Variants in NLRP5 observed in about 807,000 individuals in gnomAD.
The protein encoded by NLRP5 is NACHT, LRR and PYD domains-containing protein 5.
NLRP5 carries 93 observed loss-of-function variants against 113.1 expected under a neutral mutation model. The observed-to-expected ratio is 0.82, with a 90% CI of 0.70 to 0.98. The LOEUF is 0.98. Ranked by LOEUF, NLRP5 falls within the 50% of genes least tolerant of loss-of-function variation. The probability of loss-of-function intolerance (pLI) is 0.00; values close to 1 mark genes in which losing one functional copy is unlikely to be tolerated. For synonymous variants in NLRP5, 751 were observed against 600.7 expected (o/e 1.25, Z -3.66); for missense variants, 1,808 against 1,514.3 (o/e 1.19, Z -3.22).
At chr19:56,058,709 G>A (rs1391247658) in intron 14 of NLRP5, among the ~76,000 whole-genome samples, 2 of 152,140 alleles carry the variant, frequency 1.3e-5, no homozygotes, top group Admixed American at 1.3e-4. Context: ...ATATGATCCA[G>A]CAATCTTACT....
Position 56,027,242 on chromosome 19 carries a change from T to C in NLRP5, c.1009T>C (p.Ser337Pro). 6.2e-7 allele frequency: 1 copy of C among 1,612,748 alleles called. No individual in the cohort carries two copies. The highest frequency in any genetic ancestry group is 8.5e-7 in the Non-Finnish European group (1 of 1,179,760). The stretch of plus-strand genomic sequence containing the variant: ...GGAGAGCAGTGTCACAGAGTTCATC[T>C]CCAGGGAGTGGCCAGACTCCCAGGC... The change falls in exon 7 of 15, where the codon TCC becomes CCC. Residue 337 changes from serine (S) to proline (P), a missense_variant. Ser to Pro is a moderately conservative substitution (Grantham distance 74). Transcript: ENST00000390649.
chr19:56,038,642 C>CAG (rs1983407086), intron 10 of NLRP5, among the ~76,000 whole-genome samples: 1 of 152,098 alleles, frequency 6.6e-6, no homozygotes, highest in Non-Finnish European at 1.5e-5. Context: ...CTTCTGGGCA[C>CAG]AGAGAGGCTC....
intron 11 of NLRP5, among the ~76,000 whole-genome samples, chr19:56,041,653 A>G (rs527594394): frequency 5.1e-4 from 78 of 152,096 alleles, no homozygotes; most frequent in Non-Finnish European, 9.7e-4. Context: ...GTCATTTTAA[A>G]CAACACTATT....
chr19:56,005,204 T>A (rs569229997), intron 2 of NLRP5, among the ~76,000 whole-genome samples: 9 of 135,518 alleles, frequency 6.6e-5, no homozygotes, highest in African/African-American at 2.6e-4. Context: ...TATATACACA[T>A]ACACATACAC....
chr19:55,994,365 A>G, the NLRP5 span, among the ~76,000 whole-genome samples: 1 of 152,246 alleles, frequency 6.6e-6, no homozygotes, highest in African/African-American at 2.4e-5. Flanking sequence ...TCCTTGCCAG[A>G]TCATTATTTT....
In NLRP5 at chr19:56,025,852, C is replaced by T. The variant is rs185070500; in HGVS notation, c.680-1061C>T. Among the ~76,000 whole-genome samples, 777 of 152,240 alleles carry T rather than the reference C, an allele frequency of 5.1e-3. 7 individuals carry two copies. Among genetic ancestry groups the T allele is most frequent in the African/African-American group, 0.016 (673 of 41,554 alleles). ...GTGGCTCCCTCAAGTTCCCCTCCCC[C>T]TCCCCAAGGCCACTTATGTTGGCAT... On this transcript the variant is annotated intron_variant, in intron 6 of 14. Coordinates refer to ENST00000390649, the MANE Select transcript of NLRP5 (RefSeq NM_153447.4).
Position 56,061,728 on chromosome 19 carries a change from T to C in NLRP5, c.*200T>C, listed in dbSNP as rs72629150. On this transcript the variant is annotated 3_prime_UTR_variant, in exon 15 of 15. Coordinates refer to ENST00000390649, the MANE Select transcript of NLRP5 (RefSeq NM_153447.4). ...GATTTGAAGGCTAGAGACCTTCAAG[T>C]CATAGGACTCAGTATCTGTGAAATG... is the stretch of plus-strand genomic sequence containing the variant. 1 of 579,308 alleles carries C rather than the reference T, an allele frequency of 1.7e-6. No individual in the cohort carries two copies. Among genetic ancestry groups the C allele is most frequent in the Non-Finnish European group, 3.1e-6 (1 of 327,542 alleles). The allele number at this position is 579,308 out of a possible 1,614,324, so 35.9% of individuals were successfully genotyped here. A position where few individuals can be genotyped will look rare whatever the true frequency, so the allele number is the denominator to read the frequency against.
upstream of NLRP5, among the ~76,000 whole-genome samples, chr19:55,999,339 C>G (rs567866296): frequency 4.6e-5 from 7 of 151,570 alleles, no homozygotes; most frequent in South Asian, 1.3e-3. Flanking sequence ...CTCAGCCTCC[C>G]GAGTAGCTGG....
rs754684726 is a variant in NLRP5 at position 56,027,392 on chromosome 19, C to T, written c.1159C>T (p.Pro387Ser). The change falls in exon 7 of 15, where the codon CCG becomes TCG. Residue 387 changes from proline to serine, a missense_variant. Physicochemically the swap from Pro to Ser is moderately conservative, Grantham distance 74 (BLOSUM62 -1). Coordinates refer to ENST00000390649, the MANE Select transcript of NLRP5 (RefSeq NM_153447.4). ...CAAAGACTGGGCTGAGAAGCAGCCT[C>T]CGTTCACCCTCATACGCAGTCTGCT... The T allele has an allele frequency of 1.9e-6, 3 of 1,613,438 alleles. No individual in the cohort carries two copies. Among genetic ancestry groups the T allele is most frequent in the Non-Finnish European group, 2.5e-6 (3 of 1,179,760 alleles).
intron 6 of NLRP5, among the ~76,000 whole-genome samples, chr19:56,024,993 T>C (rs1982782434): frequency 6.6e-6 from 1 of 152,014 alleles, no homozygotes; most frequent in Admixed American, 6.6e-5. Flanking sequence ...GGCATTTGGT[T>C]CTTCCAGGAG....
intron 5 of NLRP5, among the ~76,000 whole-genome samples, chr19:56,020,110 G>A (rs1310973165): frequency 2.0e-5 from 3 of 151,848 alleles, no homozygotes; most frequent in Non-Finnish European, 4.4e-5. Flanking sequence ...GGGATTACAG[G>A]CATGAGCCAC....
chr19:56,055,920 G>C (rs1374476577), intron 13 of NLRP5, among the ~76,000 whole-genome samples: 1 of 152,112 alleles, frequency 6.6e-6, no homozygotes, highest in African/African-American at 2.4e-5. Flanking sequence ...AACACTCCAA[G>C]CTTCACTGAA....
intron 5 of NLRP5, 74 bp downstream of exon 5, chr19:56,019,472 A>T: frequency 1.4e-6 from 2 of 1,472,564 alleles, no homozygotes; most frequent in Non-Finnish European, 1.9e-6. Context: ...AGTAGTTTAG[A>T]TTTCAAGGGT....
At chr19:56,030,861 C>A (rs573351818) in intron 7 of NLRP5, among the ~76,000 whole-genome samples, 23 of 151,768 alleles carry the variant, frequency 1.5e-4, no homozygotes, top group South Asian at 1.5e-3. Context: ...CTACAGTTGC[C>A]CACCACCACA....
At chr19:55,998,837 G>A (rs574661625), upstream of NLRP5, among the ~76,000 whole-genome samples, 7 of 150,616 alleles carry the variant, frequency 4.6e-5, no homozygotes, top group South Asian at 1.5e-3. Context: ...ATATTTGCGA[G>A]GTACAATGCG....
intron 6 of NLRP5, 139 bp downstream of exon 6, chr19:56,020,570 C>T: frequency 1.1e-6 from 1 of 908,408 alleles, no homozygotes. Context: ...TCAACCCCTT[C>T]CCTTCAAGCT....
Position 56,030,711 on chromosome 19 carries a change from C to CTTTTT in NLRP5, c.2277-1898_2277-1897insTTTTT, listed in dbSNP as rs1251579019. On this transcript the variant is annotated intron_variant, in intron 7 of 14. Coordinates refer to ENST00000390649, the MANE Select transcript of NLRP5 (RefSeq NM_153447.4). The stretch of plus-strand genomic sequence containing the variant: ...TATACTTACATTCATTCGCTTTCTT[C>CTTTTT]TTCTTTTTTTTTTTTTTTTTTGAGA... Among the ~76,000 whole-genome samples the CTTTTT allele has an allele frequency of 3.4e-3, 163 of 47,732 alleles. 21 individuals are homozygous for CTTTTT. Among genetic ancestry groups the CTTTTT allele is most frequent in the East Asian group, 9.6e-3 (14 of 1,462 alleles). 31.3% of individuals were successfully genotyped at this position (47,732 alleles called of 152,430 possible). A position where few individuals can be genotyped will look rare whatever the true frequency, so the allele number is the denominator to read the frequency against.
At position 56,027,195 on chromosome 19, in the gene NLRP5, T is replaced by TTA; in HGVS notation, c.963_964dup (p.Arg322IlefsTer27). 2 of 1,610,708 alleles carry TTA rather than the reference T, an allele frequency of 1.2e-6. No individual in the cohort carries two copies. The highest frequency in any genetic ancestry group is 1.7e-6 in the Non-Finnish European group (2 of 1,178,576). ...TTCTCCTACGTCTTCTTCCTCCCCGTTAGAGAGATGCAGCGGAAGAAGGAG... is the reference window on the plus strand; with the variant it reads ...TTCTCCTACGTCTTCTTCCTCCCCGTTATAGAGAGATGCAGCGGAAGAAGGAG... On this transcript the variant is annotated frameshift_variant, in exon 7 of 15. Transcript: ENST00000390649. LOFTEE classifies it high-confidence loss of function.
Position 56,027,832 on chromosome 19 carries a change from T to A in NLRP5, c.1599T>A (p.Arg533=). The A allele has an allele frequency of 6.2e-7, 1 of 1,613,998 alleles. No individual in the cohort carries two copies. The highest frequency in any genetic ancestry group is 8.5e-7 in the Non-Finnish European group (1 of 1,179,888). The change falls in exon 7 of 15, where the codon CGT becomes CGA. Residue 533 remains arginine (R), a synonymous_variant. Transcript: ENST00000390649. ...GAGTTGTCCTGAAGCGCTTCTGCCG[T>A]ATGGCTGTGGAGGGAGTGTGGAATA...
Sources: allele counts gnomAD v4.1 joint callset (sites outside exome capture counted in the v4.1 genomes callset), GRCh38; gene constraint gnomAD v4.1.1; transcripts MANE v1.5; gene names NCBI Gene and HGNC (gene_info 2026-07-23, HGNC 2026-07-21).